ATP2A2: variants seen among roughly 807,000 people sequenced by gnomAD.
ATP2A2 encodes sarcoplasmic/endoplasmic reticulum calcium ATPase 2.
ATP2A2 carries 14 observed loss-of-function variants against 109.3 expected under a neutral mutation model. The ratio of observed to expected loss-of-function variants is 0.13; its 90% CI spans 0.08 to 0.20. The LOEUF is 0.20. Ranked by LOEUF, ATP2A2 falls within the 10% of genes least tolerant of loss-of-function variation. The probability of loss-of-function intolerance (pLI) is 1.00; values close to 1 mark genes in which losing one functional copy is unlikely to be tolerated. For missense variants in ATP2A2, 657 were observed against 1,321.6 expected (o/e 0.50, Z 7.80); for synonymous variants, 506 against 490.9 (o/e 1.03, Z -0.41).
At chr12:110,304,555 T>G (rs1875052720) in intron 5 of ATP2A2, among the ~76,000 whole-genome samples, 1 of 152,252 alleles carries the variant, frequency 6.6e-6, no homozygotes. Flanking sequence ...TCTTTTCATG[T>G]GGCTATTGTC....
At chr12:110,289,182 A>T (rs536692806) in intron 3 of ATP2A2, among the ~76,000 whole-genome samples, 1 of 152,300 alleles carries the variant, frequency 6.6e-6, no homozygotes, top group Admixed American at 6.5e-5. Flanking sequence ...ATTCATACCC[A>T]CTTTAACAAG....
At chr12:110,310,247 A>G (rs1875874176) in intron 5 of ATP2A2, among the ~76,000 whole-genome samples, 1 of 151,760 alleles carries the variant, frequency 6.6e-6, no homozygotes, top group South Asian at 2.1e-4. Flanking sequence ...TTGGCCTCCC[A>G]AAGTGCTGGG....
chr12:110,293,826 A>ATGTGTGTGTGTGTGTGTGTGTG (rs59260681), intron 4 of ATP2A2, among the ~76,000 whole-genome samples: 18 of 108,588 alleles, frequency 1.7e-4, no homozygotes, highest in African/African-American at 6.7e-4. Flanking sequence ...TGCCATATAT[A>ATGTGTGTGTGTGTGTGTGTGTG]TGTGTGTGTG....
chr12:110,337,145 C>T (rs1486181683), intron 11 of ATP2A2, among the ~76,000 whole-genome samples: 9 of 152,160 alleles, frequency 5.9e-5, no homozygotes, highest in Admixed American at 5.9e-4. Flanking sequence ...TTTCACATCC[C>T]TTGGCCAAGG....
chr12:110,326,565 A>G (rs370707147), intron 7 of ATP2A2, 90 bp downstream of exon 7: 2 of 1,186,938 alleles, frequency 1.7e-6, no homozygotes, highest in Non-Finnish European at 2.4e-6. Flanking sequence ...ATCACTGGCT[A>G]TCATTCTAAA....
chr12:110,324,427 T>A (rs185320379), intron 6 of ATP2A2, among the ~76,000 whole-genome samples: 1,598 of 147,602 alleles, frequency 0.011, 3 homozygotes, highest in Non-Finnish European at 0.012. Flanking sequence ...TTAAAAAAAA[T>A]TTTTTTTTTT....
intron 5 of ATP2A2, among the ~76,000 whole-genome samples, chr12:110,312,508 C>G (rs1234667388): frequency 1.3e-5 from 2 of 151,980 alleles, no homozygotes; most frequent in Non-Finnish European, 2.9e-5. Context: ...TTCATTTGTC[C>G]TCCTCCTCAG....
chr12:110,342,171 TA>T lies in ATP2A2; in HGVS notation c.2098-56del. ...GCTTCCCATTCAGTGGGCTTTTGCC[TA>T]GGGGTATGAATGTGGCATGCCAGTT... is the stretch of plus-strand genomic sequence containing the variant. On this transcript the variant is annotated intron_variant, in intron 14 of 19. Transcript: ENST00000539276. This position sits in a 1 kb window ranked among gnomAD's most constrained non-coding sequence, Gnocchi z 4.6. 6.3e-7 allele frequency: 1 copy of T among 1,590,316 alleles called. No homozygotes were observed. Among genetic ancestry groups the T allele is most frequent in the Non-Finnish European group, 8.6e-7 (1 of 1,158,410 alleles).
intron 4 of ATP2A2, among the ~76,000 whole-genome samples, chr12:110,295,724 TC>T (rs1239780108): frequency 6.6e-6 from 1 of 152,228 alleles, no homozygotes; most frequent in Non-Finnish European, 1.5e-5. Flanking sequence ...TTCTACAACT[TC>T]CATTCTGAAA....
At chr12:110,284,720 C>T (rs1872498604) in intron 3 of ATP2A2, among the ~76,000 whole-genome samples, 1 of 152,122 alleles carries the variant, frequency 6.6e-6, no homozygotes. Flanking sequence ...GAAATTTGAG[C>T]TCCTTTTTGG....
intron 3 of ATP2A2, among the ~76,000 whole-genome samples, chr12:110,286,014 C>G (rs1430709057): frequency 1.3e-5 from 2 of 151,692 alleles, no homozygotes; most frequent in African/African-American, 2.4e-5. Context: ...ACCTCCACCT[C>G]CTGGGTTCAA....
At chr12:110,282,927 C>A in intron 3 of ATP2A2, 132 bp downstream of exon 3, 1 of 804,586 alleles carries the variant, frequency 1.2e-6, no homozygotes, top group Non-Finnish European at 2.0e-6. Flanking sequence ...TGTTTAAAAA[C>A]AATCTGGGCA....
At chr12:110,311,986 G>A (rs1267955507) in intron 5 of ATP2A2, among the ~76,000 whole-genome samples, 2 of 152,006 alleles carry the variant, frequency 1.3e-5, no homozygotes, top group Non-Finnish European at 2.9e-5. Context: ...ACCAGCCTGG[G>A]CAACATGGAA....
chr12:110,311,615 A>AC (rs949656968), intron 5 of ATP2A2, among the ~76,000 whole-genome samples: 11 of 150,288 alleles, frequency 7.3e-5, no homozygotes, highest in African/African-American at 2.7e-4. Flanking sequence ...AAAAAAAAAA[A>AC]AAAAAAACGC....
chr12:110,286,910 G>C (rs547781410), intron 3 of ATP2A2, among the ~76,000 whole-genome samples: 51 of 152,196 alleles, frequency 3.4e-4, no homozygotes, highest in African/African-American at 1.2e-3. Flanking sequence ...TATCATGACT[G>C]TCTCCCAGTT....
intron 5 of ATP2A2, among the ~76,000 whole-genome samples, chr12:110,322,499 G>C (rs976735342): frequency 7.9e-5 from 12 of 151,912 alleles, no homozygotes; most frequent in Non-Finnish European, 7.4e-5. Context: ...TGGTGTTACT[G>C]TGTAGTTTTA....
At chr12:110,282,372 C>T (rs1373282740) in intron 1 of ATP2A2, among the ~76,000 whole-genome samples, 1 of 152,156 alleles carries the variant, frequency 6.6e-6, no homozygotes, top group African/African-American at 2.4e-5. Flanking sequence ...ACGCTTAGGG[C>T]TAGACCTCAG....
chr12:110,345,904 G>C, intron 18 of ATP2A2, 97 bp from the exon 19 acceptor site: 3 of 1,224,232 alleles, frequency 2.5e-6, no homozygotes, highest in Non-Finnish European at 2.4e-6. Context: ...CACATTAACA[G>C]CCGCCTTACT....
At chr12:110,345,175 GCTT>G in intron 17 of ATP2A2, 71 bp from the exon 18 acceptor site, 1 of 1,609,662 alleles carries the variant, frequency 6.2e-7, no homozygotes, top group Non-Finnish European at 8.5e-7. Context: ...TCTGTGCTAG[GCTT>G]GGTATGGGGT....
Sources: allele counts gnomAD v4.1 joint callset (sites outside exome capture counted in the v4.1 genomes callset), GRCh38; gene constraint gnomAD v4.1.1; non-coding constraint Gnocchi (gnomAD v3.1); transcripts MANE v1.5; gene names NCBI Gene and HGNC (gene_info 2026-07-23, HGNC 2026-07-21).